The following XKR9 variants were observed in gnomAD, a reference collection of about 807,000 sequenced individuals.
XKR9 encodes the protein XK-related protein 9.
XKR9 carries 32 observed loss-of-function variants against 32.0 expected under a neutral mutation model. That is an observed-to-expected ratio of 1.00 (90% CI 0.76 to 1.34). XKR9 has a LOEUF of 1.34. Ranked by LOEUF, XKR9 falls within the 40% of genes most tolerant of loss-of-function variation. The probability of loss-of-function intolerance (pLI) is 0.00; values close to 1 mark genes in which losing one functional copy is unlikely to be tolerated. For synonymous variants in XKR9, 168 were observed against 143.4 expected, an observed-to-expected ratio of 1.17 and a Z score of -1.22; for missense variants, 546 against 429.7, an observed-to-expected ratio of 1.27 and a Z score of -2.39.
intron 3 of XKR9, among the ~76,000 whole-genome samples, chr8:70,696,083 C>T (rs1805264250): frequency 6.6e-6 from 1 of 150,920 alleles, no homozygotes; most frequent in South Asian, 2.1e-4. Context: ...TGGATATTAG[C>T]CCTTTGTCAG....
chr8:70,747,501 G>A (rs1300943822), intron 2 of XKR9, among the ~76,000 whole-genome samples: 2 of 152,192 alleles, frequency 1.3e-5, no homozygotes, highest in Non-Finnish European at 2.9e-5. Context: ...AGTCAGCCCC[G>A]TTGCTATGGG....
chr8:70,766,498 T>G (rs955016282), intron 2 of XKR9, among the ~76,000 whole-genome samples: 6 of 152,208 alleles, frequency 3.9e-5, no homozygotes, highest in Non-Finnish European at 8.8e-5. Flanking sequence ...GTTTTGGGAC[T>G]GAGATGATGG....
At chr8:70,738,636 C>G (rs921896267), downstream of XKR9, among the ~76,000 whole-genome samples, 16 of 151,762 alleles carry the variant, frequency 1.1e-4, no homozygotes, top group Non-Finnish European at 2.2e-4. Context: ...TATACACTGC[C>G]TTGAATGTGT....
the XKR9 span, among the ~76,000 whole-genome samples, chr8:71,036,451 GA>G: frequency 6.6e-6 from 1 of 151,816 alleles, no homozygotes; most frequent in East Asian, 1.9e-4. Flanking sequence ...TAGAGTGTTA[GA>G]AAAAAAACCT....
chr8:71,031,986 A>G, the XKR9 span, among the ~76,000 whole-genome samples: 1 of 152,138 alleles, frequency 6.6e-6, no homozygotes, highest in Non-Finnish European at 1.5e-5. Context: ...TCCCACATGT[A>G]TCCTGCCTCA....
the XKR9 span, among the ~76,000 whole-genome samples, chr8:70,811,527 A>T: frequency 1.3e-5 from 2 of 152,220 alleles, no homozygotes; most frequent in Non-Finnish European, 2.9e-5. Flanking sequence ...AGATCAACAA[A>T]ATTGATAGAC....
chr8:70,979,697 T>C, the XKR9 span, among the ~76,000 whole-genome samples: 2 of 152,190 alleles, frequency 1.3e-5, no homozygotes, highest in Admixed American at 6.5e-5. Flanking sequence ...GTCTCCAAGT[T>C]TGGCTACACG....
chr8:70,675,838 C>T (rs1401595134), intron 2 of XKR9, among the ~76,000 whole-genome samples: 1 of 152,148 alleles, frequency 6.6e-6, no homozygotes, highest in Non-Finnish European at 1.5e-5. Context: ...TAAGAAGCTC[C>T]AAACTTTCCC....
At chr8:70,766,633 G>T (rs934945255) in intron 2 of XKR9, among the ~76,000 whole-genome samples, 10 of 152,170 alleles carry the variant, frequency 6.6e-5, no homozygotes, top group African/African-American at 2.4e-4. Flanking sequence ...CCAATACTAT[G>T]TTTAATTGGA....
chr8:70,906,312 A>G, the XKR9 span, among the ~76,000 whole-genome samples: 2 of 152,190 alleles, frequency 1.3e-5, no homozygotes, highest in East Asian at 1.9e-4. Flanking sequence ...AATTTTTCAT[A>G]TATGTCTTAC....
the XKR9 span, among the ~76,000 whole-genome samples, chr8:71,014,825 G>A: frequency 9.2e-5 from 14 of 152,098 alleles, no homozygotes; most frequent in Non-Finnish European, 1.9e-4. Context: ...GAATGGTTCA[G>A]GGGCATTACT....
the XKR9 span, among the ~76,000 whole-genome samples, chr8:70,847,584 A>G: frequency 6.6e-6 from 1 of 151,940 alleles, no homozygotes; most frequent in Non-Finnish European, 1.5e-5. Context: ...TGGATAGACT[A>G]ATAAGAAAAA....
intron 2 of XKR9, among the ~76,000 whole-genome samples, chr8:70,758,038 T>G (rs1807254129): frequency 6.6e-6 from 1 of 152,232 alleles, no homozygotes; most frequent in Non-Finnish European, 1.5e-5. Flanking sequence ...TCATAATTTT[T>G]TGTTGGTAAC....
chr8:70,939,957 G>A, the XKR9 span, among the ~76,000 whole-genome samples: 4 of 152,072 alleles, frequency 2.6e-5, no homozygotes, highest in East Asian at 5.8e-4. Context: ...ATAAACTGAA[G>A]CACAGAGAGT....
At chr8:70,753,074 A>T (rs2130188292) in intron 2 of XKR9, among the ~76,000 whole-genome samples, 1 of 152,364 alleles carries the variant, frequency 6.6e-6, no homozygotes, top group South Asian at 2.1e-4. Context: ...AAAAAATGAT[A>T]AAGGGGACAT....
intron 4 of XKR9, among the ~76,000 whole-genome samples, chr8:70,725,017 C>T (rs1382454554): frequency 8.5e-5 from 13 of 152,172 alleles, no homozygotes; most frequent in South Asian, 2.1e-4. Flanking sequence ...TCATGGCAGA[C>T]GGGGAAGCAA....
the XKR9 span, among the ~76,000 whole-genome samples, chr8:71,049,612 T>A: frequency 6.6e-6 from 1 of 152,000 alleles, no homozygotes; most frequent in Non-Finnish European, 1.5e-5. Context: ...GTCCTGCCTG[T>A]GAGAATGGGG....
chr8:70,883,698 CT>C, the XKR9 span, among the ~76,000 whole-genome samples: 1 of 151,958 alleles, frequency 6.6e-6, no homozygotes, highest in Admixed American at 6.6e-5. Flanking sequence ...TATTTTATAT[CT>C]TTTTGTGGCT....
At chr8:70,817,860 G>A in the XKR9 span, among the ~76,000 whole-genome samples, 1 of 152,016 alleles carries the variant, frequency 6.6e-6, no homozygotes, top group African/African-American at 2.4e-5. Context: ...TAAGCAATAG[G>A]GAAAACACTC....
Sources: gnomAD v4.1 joint callset for allele counts (sites outside exome capture counted in the v4.1 genomes callset) on GRCh38, gnomAD v4.1.1 for gene constraint, MANE v1.5 for transcripts, NCBI Gene and HGNC (gene_info 2026-07-23, HGNC 2026-07-21) for gene names.